Variants in ZNF362 observed in about 807,000 individuals in gnomAD.
The protein encoded by ZNF362 is zinc finger protein 362.
ZNF362 carries 11 observed loss-of-function variants against 42.9 expected under a neutral mutation model. That is an observed-to-expected ratio of 0.26 (90% CI 0.16 to 0.42). ZNF362 has a LOEUF of 0.42. ZNF362 is among the 20% of genes least tolerant of loss of function. The pLI is 1.00. For missense variants in ZNF362, 362 were observed against 576.2 expected (o/e 0.63, Z 3.81); for synonymous variants, 255 against 257.3 (o/e 0.99, Z 0.09).
chr1:33,197,757 C>A, the ZNF362 span, among the ~76,000 whole-genome samples: 1 of 152,068 alleles, frequency 6.6e-6, no homozygotes. Flanking sequence ...CGGGCAGAGT[C>A]CCAGAAAGGA....
the ZNF362 span, among the ~76,000 whole-genome samples, chr1:33,211,073 A>G: frequency 1.3e-3 from 193 of 152,030 alleles, no homozygotes; most frequent in African/African-American, 4.2e-3. Flanking sequence ...AGCTGGGACT[A>G]CAGGTGCCCA....
the ZNF362 span, among the ~76,000 whole-genome samples, chr1:33,193,442 C>A: frequency 2.6e-5 from 4 of 152,196 alleles, no homozygotes; most frequent in Non-Finnish European, 4.4e-5. Flanking sequence ...ACAACTCCCA[C>A]TGAAGATAAT....
chr1:33,238,363 T>TAAAATAAAATAAAATAATAA, the ZNF362 span, among the ~76,000 whole-genome samples: 2 of 71,716 alleles, frequency 2.8e-5, no homozygotes, highest in African/African-American at 1.1e-4. Context: ...TAAAATAAAA[T>TAAAATAAAATAAAATAATAA]AATAAAATAA....
the ZNF362 span, among the ~76,000 whole-genome samples, chr1:33,222,292 A>C: frequency 6.6e-6 from 1 of 152,034 alleles, no homozygotes; most frequent in African/African-American, 2.4e-5. Context: ...GCCCCCCACC[A>C]ACCCTATTTC....
chr1:33,189,566 C>T, the ZNF362 span, among the ~76,000 whole-genome samples: 3 of 147,718 alleles, frequency 2.0e-5, no homozygotes, highest in South Asian at 4.3e-4. Context: ...TGCCTCTTAG[C>T]GCCGCAACCA....
At chr1:33,264,450 C>T (rs764774998) in intron 1 of ZNF362, among the ~76,000 whole-genome samples, 5 of 152,226 alleles carry the variant, frequency 3.3e-5, no homozygotes, top group Middle Eastern at 3.4e-3. Context: ...AGGCAGTGTT[C>T]GAAAGATTTT....
chr1:33,172,127 G>A, the ZNF362 span, among the ~76,000 whole-genome samples: 32 of 152,310 alleles, frequency 2.1e-4, no homozygotes, highest in African/African-American at 7.5e-4. Context: ...CCATAGGCTT[G>A]CTCTGGGAAT....
chr1:33,150,350 A>G, the ZNF362 span, among the ~76,000 whole-genome samples: 2 of 152,244 alleles, frequency 1.3e-5, no homozygotes, highest in Non-Finnish European at 2.9e-5. Flanking sequence ...AGATGCCTCA[A>G]TGATGGGGAC....
the ZNF362 span, chr1:33,163,278 A>T: frequency 6.6e-6 from 1 of 151,996 alleles, no homozygotes; most frequent in Non-Finnish European, 1.5e-5. Context: ...ACCTCAGGTG[A>T]TCCGCCCGCC....
chr1:33,262,294 ATTCTTTT>A (rs1645833283), intron 1 of ZNF362, among the ~76,000 whole-genome samples: 1 of 93,020 alleles, frequency 1.1e-5, no homozygotes, highest in South Asian at 3.6e-4. Context: ...AGGCTTTAGG[ATTCTTTT>A]TTTTTTTTTT....
the ZNF362 span, among the ~76,000 whole-genome samples, chr1:33,229,009 G>A: frequency 6.6e-5 from 10 of 152,020 alleles, no homozygotes; most frequent in African/African-American, 2.2e-4. Context: ...TGTGATTGCC[G>A]TTTCCTCTGC....
chr1:33,262,586 C>T (rs896037937), intron 1 of ZNF362, among the ~76,000 whole-genome samples: 3 of 152,106 alleles, frequency 2.0e-5, no homozygotes, highest in East Asian at 1.9e-4. Context: ...GGATTACAGG[C>T]GTGAGCCACC....
chr1:33,271,257 G>A (rs985960170), intron 2 of ZNF362, among the ~76,000 whole-genome samples: 4 of 152,216 alleles, frequency 2.6e-5, no homozygotes, highest in Non-Finnish European at 5.9e-5. Context: ...AACACCGAAC[G>A]CTCGTGGCTC....
chr1:33,288,743 CAAAA>C (rs60197226), intron 6 of ZNF362, among the ~76,000 whole-genome samples: 10 of 27,356 alleles, frequency 3.7e-4, no homozygotes, highest in Admixed American at 1.4e-3. Flanking sequence ...GACTCTGTCT[CAAAA>C]AAAAAAAAAA....
upstream of ZNF362, among the ~76,000 whole-genome samples, chr1:33,253,240 G>C (rs1645770348): frequency 1.4e-5 from 2 of 145,470 alleles, no homozygotes; most frequent in African/African-American, 2.6e-5. Context: ...TGGATTTGGG[G>C]GGAAAGGGGG....
intron 6 of ZNF362, among the ~76,000 whole-genome samples, chr1:33,284,125 C>CT (rs941127971): frequency 2.6e-5 from 4 of 152,286 alleles, no homozygotes; most frequent in East Asian, 1.9e-4. Context: ...GGCGGTTACC[C>CT]TTTTTTTGGA....
the ZNF362 span, chr1:33,195,682 G>A: frequency 1.3e-5 from 2 of 152,020 alleles, no homozygotes; most frequent in East Asian, 1.9e-4. Flanking sequence ...AAAGATTAAA[G>A]TATGGTATAT....
the ZNF362 span, among the ~76,000 whole-genome samples, chr1:33,250,810 G>GAAGAA: frequency 6.7e-6 from 1 of 149,336 alleles, no homozygotes; most frequent in South Asian, 2.1e-4. Flanking sequence ...AGAAGGAGAA[G>GAAGAA]AAGAAGAAGA....
chr1:33,190,673 C>T, the ZNF362 span, among the ~76,000 whole-genome samples: 5 of 152,190 alleles, frequency 3.3e-5, no homozygotes, highest in East Asian at 9.6e-4. Context: ...TAACTCTTGT[C>T]AGTAGTTAAG....
Sources: gnomAD v4.1 joint callset for allele counts (sites outside exome capture counted in the v4.1 genomes callset) on GRCh38, gnomAD v4.1.1 for gene constraint, MANE v1.5 for transcripts, NCBI Gene and HGNC (gene_info 2026-07-23, HGNC 2026-07-21) for gene names.